NKX2-2: variants seen among roughly 807,000 people sequenced by gnomAD.
The protein encoded by NKX2-2 is homeobox protein Nkx-2.2.
Under a neutral mutation model 24.6 loss-of-function variants are expected in NKX2-2, and 8 were observed. The ratio of observed to expected loss-of-function variants is 0.32; its 90% CI spans 0.19 to 0.59. The LOEUF is 0.59. NKX2-2 is among the 20% of genes least tolerant of loss of function. The pLI is 0.86. For missense variants in NKX2-2, 381 were observed against 373.9 expected (o/e 1.02, Z -0.16); for synonymous variants, 217 against 173.3 (o/e 1.25, Z -1.98).
Position 21,511,871 on chromosome 20 carries a change from G to T in NKX2-2, c.*52C>A. On this transcript the variant is annotated 3_prime_UTR_variant, in exon 2 of 2. Coordinates refer to ENST00000377142, the MANE Select transcript of NKX2-2 (RefSeq NM_002509.4). ...GGACCGAGGCCTCCTCGCCGCCACC[G>T]CCGCCGGGGTGGGGCCTGGGCCTGG... 1 of 1,452,928 alleles carries T rather than the reference G, an allele frequency of 6.9e-7. No homozygotes were observed. Among genetic ancestry groups the T allele is most frequent in the South Asian group, 1.3e-5 (1 of 75,612 alleles). 90.0% of individuals were successfully genotyped at this position (1,452,928 alleles called of 1,614,324 possible).
chr20:21,515,979 C>A (rs1038730550), upstream of NKX2-2, among the ~76,000 whole-genome samples: 2 of 152,212 alleles, frequency 1.3e-5, no homozygotes, highest in Non-Finnish European at 2.9e-5. Context: ...GTGGTCGGAC[C>A]CGGGCAAACA....
chr20:21,511,919 G>C lies in NKX2-2; in HGVS notation c.*4C>G, dbSNP rs1429162364. The C allele has an allele frequency of 6.4e-7, 1 of 1,570,966 alleles. No homozygotes were observed. Among genetic ancestry groups the C allele is most frequent in the South Asian group, 1.1e-5 (1 of 87,370 alleles). On this transcript the variant is annotated 3_prime_UTR_variant, in exon 2 of 2. Transcript: ENST00000377142. ...TGGGGCCGCGAGTCTCGTTGGGGCG[G>C]CGCTCACCAAGTCCACTGCTGGGCC...
At chr20:21,518,320 A>G (rs1164448082), upstream of NKX2-2, among the ~76,000 whole-genome samples, 1 of 152,154 alleles carries the variant, frequency 6.6e-6, no homozygotes, top group African/African-American at 2.4e-5. Context: ...CAGATTCCGT[A>G]CACATCTCTA....
upstream of NKX2-2, among the ~76,000 whole-genome samples, chr20:21,516,874 G>T (rs1600263037): frequency 6.6e-6 from 1 of 152,182 alleles, no homozygotes; most frequent in Non-Finnish European, 1.5e-5. Context: ...CTTCAGCTGG[G>T]AACCACCTCG....
chr20:21,521,513 C>T, the NKX2-2 span, among the ~76,000 whole-genome samples: 1 of 152,234 alleles, frequency 6.6e-6, no homozygotes, highest in East Asian at 1.9e-4. Flanking sequence ...AGCCCCGGCT[C>T]CTCCTGTCTG....
chr20:21,512,083 T>A lies in NKX2-2; in HGVS notation c.662A>T (p.Gln221Leu), dbSNP rs776474524. ...CTGGAAGGTGGCGGCTGCCAGGTCC[T>A]GGGCTTTGAGCGCGTGACATGGTTT... is the stretch of plus-strand genomic sequence containing the variant. ...DGKPCHALKAQDLAAATFQAG... is the reference protein window; with the variant it reads ...DGKPCHALKALDLAAATFQAG... The change falls in exon 2 of 2, where the codon CAG becomes CTG. Residue 221 changes from glutamine (Q) to leucine (L), a missense_variant. Physicochemically the swap from Gln to Leu is moderately radical, Grantham distance 113. Around this residue, in one of 3 missense-constraint regions of NKX2-2, gnomAD observed 139 missense variants for 121.7 expected, o/e 1.14. Transcript: ENST00000377142. 28 of 1,613,732 alleles carry A rather than the reference T, an allele frequency of 1.7e-5. No homozygotes were observed. In the East Asian group the frequency reaches 6.0e-4, roughly 35 times the overall value.
chr20:21,513,532 C>T lies in NKX2-2; in HGVS notation c.138G>A (p.Gly46=), dbSNP rs141472987. Residue 46 remains glycine, a synonymous_variant, in exon 1 of 2, where the codon GGG becomes GGA. Coordinates refer to ENST00000377142, the MANE Select transcript of NKX2-2 (RefSeq NM_002509.4). The surrounding 1 kb of genome is among the most constrained non-coding windows in gnomAD (Gnocchi z 4.6). ...CGTCCAGGGCGCCCTGCCCCAGCGGCCCGGCCCTCTTGGCTGGCTCGGGCC... is the reference window on the plus strand; with the variant it reads ...CGTCCAGGGCGCCCTGCCCCAGCGGTCCGGCCCTCTTGGCTGGCTCGGGCC... The part of the protein sequence containing the change: ...NEGPEPAKRA[G]PLGQGALDAV... 4 of 1,613,308 alleles carry T rather than the reference C, an allele frequency of 2.5e-6. No individual in the cohort carries two copies. The African/African-American group carries it at 4.0e-5, about 16-fold the overall frequency.
Position 21,512,376 on chromosome 20 carries a change from C to T in NKX2-2, c.369G>A (p.Gly123=), listed in dbSNP as rs757321719. 59 of 1,602,954 alleles carry T rather than the reference C, an allele frequency of 3.7e-5. No homozygotes were observed. Among genetic ancestry groups the T allele is most frequent in the Non-Finnish European group, 5.0e-5 (59 of 1,176,242 alleles). ...DNDKETPGGG[G]DAGKKRKRRV... ...GCCGCTTTCGCTTCTTGCCGGCGTC[C>T]CCCCCGCCGCCCGGGGTCTCCTTGT... The change falls in exon 2 of 2, where the codon GGG becomes GGA. Residue 123 remains glycine (G), a synonymous_variant. Transcript: ENST00000377142.
At chr20:21,520,832 C>A in the NKX2-2 span, among the ~76,000 whole-genome samples, 2 of 152,228 alleles carry the variant, frequency 1.3e-5, no homozygotes, top group Non-Finnish European at 2.9e-5. Flanking sequence ...CAGGAACGTT[C>A]TTTCAGCCAA....
At chr20:21,521,140 A>G in the NKX2-2 span, among the ~76,000 whole-genome samples, 1 of 152,072 alleles carries the variant, frequency 6.6e-6, no homozygotes, top group Non-Finnish European at 1.5e-5. Flanking sequence ...CCTCGGGCAC[A>G]GAGAGGGGGT....
chr20:21,512,704 G>C (rs1436529244), intron 1 of NKX2-2, among the ~76,000 whole-genome samples: 1 of 152,126 alleles, frequency 6.6e-6, no homozygotes, highest in African/African-American at 2.4e-5. Context: ...TGGGGGCTAG[G>C]GGCTCGCCTT....
In NKX2-2 at chr20:21,511,471, AT is replaced by A. The variant is rs943690891; in HGVS notation, c.*451del. The A allele has an allele frequency of 5.4e-4, 84 of 154,398 alleles. No homozygotes were observed. Among genetic ancestry groups the A allele is most frequent in the African/African-American group, 1.9e-3 (77 of 41,486 alleles). 9.6% of individuals were successfully genotyped at this position (154,398 alleles called of 1,614,324 possible). A position where few individuals can be genotyped will look rare whatever the true frequency, so the allele number is the denominator to read the frequency against. On this transcript the variant is annotated 3_prime_UTR_variant, in exon 2 of 2. Coordinates refer to ENST00000377142, the MANE Select transcript of NKX2-2 (RefSeq NM_002509.4). ...TTAAAAAAAGGAAGAAATTCTCTGT[AT>A]TTTTAAAGTGTTCTCCACTTGCTTT...
upstream of NKX2-2, among the ~76,000 whole-genome samples, chr20:21,515,212 C>T (rs1292966352): frequency 2.6e-5 from 4 of 151,906 alleles, no homozygotes; most frequent in African/African-American, 9.7e-5. Flanking sequence ...GGCCCCCTCC[C>T]TCTCCAGCCT....
chr20:21,522,578 GCGCCGCTGGAGC>G, the NKX2-2 span, among the ~76,000 whole-genome samples: 1 of 152,054 alleles, frequency 6.6e-6, no homozygotes, highest in African/African-American at 2.4e-5. Flanking sequence ...GAGCGCGACT[GCGCCGCTGGAGC>G]CTCGGCTGGG....
At chr20:21,521,705 G>A in the NKX2-2 span, among the ~76,000 whole-genome samples, 1 of 152,216 alleles carries the variant, frequency 6.6e-6, no homozygotes, top group African/African-American at 2.4e-5. Flanking sequence ...ACCCGGTGGA[G>A]GTGGGTGCAG....
At chr20:21,515,736 C>T (rs369704438), upstream of NKX2-2, among the ~76,000 whole-genome samples, 48 of 152,150 alleles carry the variant, frequency 3.2e-4, no homozygotes, top group African/African-American at 1.1e-3. Flanking sequence ...CTTCCCACAA[C>T]CTGGGCTCCT....
At chr20:21,514,673 C>A (rs1037795120), upstream of NKX2-2, among the ~76,000 whole-genome samples, 8 of 152,148 alleles carry the variant, frequency 5.3e-5, no homozygotes, top group African/African-American at 1.9e-4. Context: ...GGGCGAAGGC[C>A]GAGCTGCGGA....
chr20:21,512,041 G>C lies in NKX2-2; in HGVS notation c.704C>G (p.Ser235Cys), dbSNP rs142949255. 43 of 1,613,784 alleles carry C rather than the reference G, an allele frequency of 2.7e-5. No homozygotes were observed. In the Middle Eastern group the frequency reaches 3.0e-3, roughly 111 times the overall value. ...CTGCAGCGACTGCGCGCTGTAGGCA[G>C]AAAAGGGAATGCCCGCCTGGAAGGT... is the stretch of plus-strand genomic sequence containing the variant. ...AATFQAGIPFSAYSAQSLQHM... is the reference protein window; with the variant it reads ...AATFQAGIPFCAYSAQSLQHM... The change falls in exon 2 of 2, where the codon TCT becomes TGT. Residue 235 changes from serine (S) to cysteine (C), a missense_variant. Ser to Cys is a moderately radical substitution (Grantham distance 112). Transcript: ENST00000377142.
chr20:21,520,502 T>C, the NKX2-2 span, among the ~76,000 whole-genome samples: 12 of 152,202 alleles, frequency 7.9e-5, no homozygotes, highest in Admixed American at 6.5e-4. Context: ...AAATGCACTT[T>C]AATGAGATCT....
Sources: gnomAD v4.1 joint callset for allele counts (sites outside exome capture counted in the v4.1 genomes callset) on GRCh38, gnomAD v4.1.1 for gene constraint, gnomAD v4.1.1 regional missense constraint, Gnocchi (gnomAD v3.1) non-coding constraint, MANE v1.5 for transcripts, NCBI Gene and HGNC (gene_info 2026-07-23, HGNC 2026-07-21) for gene names.